Variants in CHRM3 observed in about 807,000 individuals in gnomAD.
CHRM3 encodes muscarinic acetylcholine receptor M3.
Under a neutral mutation model 41.8 loss-of-function variants are expected in CHRM3, and 11 were observed. The observed-to-expected ratio is 0.26, with a 90% CI of 0.17 to 0.44. The LOEUF is 0.44. CHRM3 is among the 20% of genes least tolerant of loss of function. The probability of loss-of-function intolerance (pLI) is 1.00; values close to 1 mark genes in which losing one functional copy is unlikely to be tolerated. For synonymous variants in CHRM3, 297 were observed against 301.4 expected (o/e 0.99, Z 0.15); for missense variants, 571 against 745.4 (o/e 0.77, Z 2.72).
At chr1:239,649,212 C>G (rs1368593188) in intron 4 of CHRM3, among the ~76,000 whole-genome samples, 2 of 151,922 alleles carry the variant, frequency 1.3e-5, no homozygotes, top group African/African-American at 4.8e-5. Context: ...GATTAGTGTC[C>G]CCATTAAAGA....
chr1:239,404,402 A>AAGAGAGAGAGAGAG, intron 1 of CHRM3, among the ~76,000 whole-genome samples: 1 of 64,736 alleles, frequency 1.5e-5, no homozygotes, highest in African/African-American at 6.5e-5. Flanking sequence ...GAAAGAAAGA[A>AAGAGAGAGAGAGAG]AGAAAGAAAA....
chr1:239,657,543 A>G (rs1672822326), intron 4 of CHRM3, among the ~76,000 whole-genome samples: 1 of 152,254 alleles, frequency 6.6e-6, no homozygotes, highest in East Asian at 1.9e-4. Context: ...AACACAGAAA[A>G]GTCAGCAACT....
At position 239,915,390 on chromosome 1, in the gene CHRM3, G is replaced by A. The variant is rs1680590965; in HGVS notation, c.*6166G>A. ...ACTATAAAATGATGCCTGCAACTTT[G>A]TGGTGAATATTATCCCCAAGTTAAC... On this transcript the variant is annotated 3_prime_UTR_variant, in exon 7 of 7. Coordinates refer to ENST00000676153, the MANE Select transcript of CHRM3 (RefSeq NM_001375978.1). The A allele has an allele frequency of 6.0e-6, 1 of 167,018 alleles. No homozygotes were observed. The highest frequency in any genetic ancestry group is 1.5e-5 in the Non-Finnish European group (1 of 68,116). The allele number at this position is 167,018 out of a possible 1,614,324, so 10.3% of individuals were successfully genotyped here. A position where few individuals can be genotyped will look rare whatever the true frequency, so the allele number is the denominator to read the frequency against.
chr1:239,578,293 A>AT (rs1381965411), intron 3 of CHRM3, among the ~76,000 whole-genome samples: 2 of 152,112 alleles, frequency 1.3e-5, no homozygotes, highest in African/African-American at 4.8e-5. Flanking sequence ...CCTTTGGCAC[A>AT]TTTTTGTATT....
At chr1:239,547,570 G>T (rs928435080) in intron 3 of CHRM3, among the ~76,000 whole-genome samples, 2 of 152,170 alleles carry the variant, frequency 1.3e-5, no homozygotes, top group Non-Finnish European at 2.9e-5. Context: ...AAAGGGAAAT[G>T]ATTATGATAT....
At chr1:239,755,614 A>T (rs1218666754) in intron 5 of CHRM3, among the ~76,000 whole-genome samples, 1 of 152,220 alleles carries the variant, frequency 6.6e-6, no homozygotes, top group Non-Finnish European at 1.5e-5. Flanking sequence ...ACATTAATTT[A>T]AAAATAATTA....
intron 1 of CHRM3, among the ~76,000 whole-genome samples, chr1:239,456,292 C>T (rs1364948278): frequency 3.3e-5 from 5 of 152,196 alleles, no homozygotes; most frequent in South Asian, 2.1e-4. Flanking sequence ...CTGCAAGCTG[C>T]GTTCGAGGTA....
intron 3 of CHRM3, among the ~76,000 whole-genome samples, chr1:239,630,241 A>G (rs997495604): frequency 7.2e-5 from 11 of 152,228 alleles, no homozygotes; most frequent in Non-Finnish European, 1.0e-4. Flanking sequence ...TTAATTTTGT[A>G]TAATATGTAT....
chr1:239,650,972 G>T (rs766605416), intron 4 of CHRM3, among the ~76,000 whole-genome samples: 1 of 152,130 alleles, frequency 6.6e-6, no homozygotes, highest in Non-Finnish European at 1.5e-5. Context: ...ATGTAAATTT[G>T]TAAGTATACA....
intron 1 of CHRM3, among the ~76,000 whole-genome samples, chr1:239,470,308 C>T (rs571179490): frequency 1.3e-5 from 2 of 152,106 alleles, no homozygotes; most frequent in African/African-American, 2.4e-5. Flanking sequence ...CTGAGAACTC[C>T]AGAAGAAACC....
rs1667136971 is a variant in CHRM3 at position 239,765,603 on chromosome 1, A to G, written c.-146-61649A>G. ...AGATTGGTATTAAAAATCGAAACCT[A>G]CTTATTTCCTTACACACAAAAAATG... On this transcript the variant is annotated intron_variant, in intron 5 of 6. Transcript: ENST00000676153. Among the ~76,000 whole-genome samples, 2 of 152,124 alleles carry G rather than the reference A, an allele frequency of 1.3e-5. 1 individual carries two copies. Among genetic ancestry groups the G allele is most frequent in the African/African-American group, 4.8e-5 (2 of 41,408 alleles).
chr1:239,741,780 T>G lies in CHRM3; in HGVS notation c.-147+63492T>G, dbSNP rs116212539. ...GTCTTATATTTATATGTAAACATAATCAGAAGCTATATTTAGCTTCACAAG... is the reference window on the plus strand; with the variant it reads ...GTCTTATATTTATATGTAAACATAAGCAGAAGCTATATTTAGCTTCACAAG... On this transcript the variant is annotated intron_variant, in intron 5 of 6. Transcript: ENST00000676153. Among the ~76,000 whole-genome samples, 435 of 152,338 alleles carry G rather than the reference T, an allele frequency of 2.9e-3. 2 individuals are homozygous for G. Among genetic ancestry groups the G allele is most frequent in the African/African-American group, 0.01 (429 of 41,570 alleles).
chr1:239,905,333 T>C (rs1477179322), intron 6 of CHRM3, among the ~76,000 whole-genome samples: 1 of 152,200 alleles, frequency 6.6e-6, no homozygotes, highest in Non-Finnish European at 1.5e-5. Context: ...CTCCCAGACA[T>C]CACCTTGTTA....
chr1:239,588,773 G>A (rs1663713521), intron 3 of CHRM3, among the ~76,000 whole-genome samples: 1 of 152,014 alleles, frequency 6.6e-6, no homozygotes, highest in South Asian at 2.1e-4. Context: ...TACAAAATTT[G>A]CATAGACTTT....
intron 2 of CHRM3, among the ~76,000 whole-genome samples, chr1:239,513,971 C>CT: frequency 6.6e-6 from 1 of 152,148 alleles, no homozygotes; most frequent in African/African-American, 2.4e-5. Context: ...TTTTAGGGCT[C>CT]TTTTTTCTGT....
At chr1:239,656,668 A>T (rs891484687) in intron 4 of CHRM3, among the ~76,000 whole-genome samples, 1 of 152,012 alleles carries the variant, frequency 6.6e-6, no homozygotes. Flanking sequence ...ACAATAAAAA[A>T]TAAAATTTTG....
chr1:239,554,026 A>G (rs954074454), intron 3 of CHRM3, among the ~76,000 whole-genome samples: 5 of 152,096 alleles, frequency 3.3e-5, no homozygotes, highest in African/African-American at 1.2e-4. Flanking sequence ...AAGAGCTGGG[A>G]TTACAGGCAT....
At chr1:239,438,126 G>A (rs996363213) in intron 1 of CHRM3, among the ~76,000 whole-genome samples, 1 of 152,130 alleles carries the variant, frequency 6.6e-6, no homozygotes, top group South Asian at 2.1e-4. Context: ...AAAGTATAAT[G>A]AAACATGCTA....
chr1:239,555,908 A>G (rs531384171), intron 3 of CHRM3, among the ~76,000 whole-genome samples: 53 of 152,322 alleles, frequency 3.5e-4, no homozygotes, highest in African/African-American at 1.3e-3. Flanking sequence ...GGAACAGTTC[A>G]AAAATTGGAA....
Sources: allele counts gnomAD v4.1 joint callset (sites outside exome capture counted in the v4.1 genomes callset), GRCh38; gene constraint gnomAD v4.1.1; transcripts MANE v1.5; gene names NCBI Gene and HGNC (gene_info 2026-07-23, HGNC 2026-07-21).